Variants in CLIP4 observed in about 807,000 individuals in gnomAD.
CLIP4 encodes CAP-Gly domain-containing linker protein 4.
CLIP4 carries 47 observed loss-of-function variants against 73.1 expected under a neutral mutation model. The ratio of observed to expected loss-of-function variants is 0.64; its 90% confidence interval spans 0.51 to 0.82. The LOEUF (loss-of-function observed/expected upper bound fraction) is 0.82, where lower values mean the gene tolerates loss of function less well. Ranked by LOEUF, CLIP4 falls within the 40% of genes least tolerant of loss-of-function variation. The pLI is 0.00. For synonymous variants in CLIP4, 306 were observed against 295.4 expected, an observed-to-expected ratio of 1.04 and a Z score of -0.37; for missense variants, 874 against 852.9, an observed-to-expected ratio of 1.02 and a Z score of -0.31.
intron 1 of CLIP4, among the ~76,000 whole-genome samples, chr2:29,108,346 G>A (rs968712702): frequency 5.9e-5 from 9 of 152,278 alleles, no homozygotes; most frequent in African/African-American, 1.9e-4. Flanking sequence ...TCTGATCACC[G>A]GGCTGGCTAC....
intron 9 of CLIP4, 70 bp downstream of exon 9, chr2:29,152,898 A>C: frequency 1.3e-6 from 2 of 1,527,834 alleles, no homozygotes; most frequent in Non-Finnish European, 1.8e-6. Context: ...CCTAATATTT[A>C]GATTGCTTCA....
intron 1 of CLIP4, among the ~76,000 whole-genome samples, chr2:29,118,904 G>A (rs1664062617): frequency 6.6e-6 from 1 of 152,166 alleles, no homozygotes; most frequent in Non-Finnish European, 1.5e-5. Flanking sequence ...GATTTGGAAT[G>A]AAAGTGTGTA....
At chr2:29,107,358 G>GTTTTGTTTTTTTTTTTTTTT (rs1668239932) in intron 1 of CLIP4, among the ~76,000 whole-genome samples, 1 of 65,352 alleles carries the variant, frequency 1.5e-5, no homozygotes, top group Non-Finnish European at 3.0e-5. Context: ...GAACATGATA[G>GTTTTGTTTTTTTTTTTTTTT]TTTTTTTTTT....
intron 11 of CLIP4, among the ~76,000 whole-genome samples, chr2:29,157,594 G>C (rs1395838484): frequency 6.6e-6 from 1 of 152,064 alleles, no homozygotes; most frequent in South Asian, 2.1e-4. Flanking sequence ...TCTGAATTTA[G>C]CTTCTTCACA....
intron 12 of CLIP4, among the ~76,000 whole-genome samples, chr2:29,161,982 G>A (rs80215034): frequency 6.6e-6 from 1 of 152,146 alleles, no homozygotes; most frequent in Non-Finnish European, 1.5e-5. Flanking sequence ...TTTGAGTTAG[G>A]TGTTTTATAA....
upstream of CLIP4, among the ~76,000 whole-genome samples, chr2:29,113,041 TA>T (rs1668423036): frequency 6.6e-6 from 1 of 152,180 alleles, no homozygotes; most frequent in African/African-American, 2.4e-5. The surrounding 1 kb of genome is among the most constrained non-coding windows in gnomAD (Gnocchi z 4.0). Context: ...CTGTGTAGGT[TA>T]GCAAAGTAGT....
At chr2:29,151,424 A>T (rs1666557258) in intron 8 of CLIP4, among the ~76,000 whole-genome samples, 1 of 152,014 alleles carries the variant, frequency 6.6e-6, no homozygotes, top group African/African-American at 2.4e-5. Context: ...AGAGAGAGAG[A>T]GAGTGTGTGT....
intron 14 of CLIP4, among the ~76,000 whole-genome samples, chr2:29,173,757 A>C (rs1303576136): frequency 1.3e-5 from 2 of 152,196 alleles, no homozygotes; most frequent in African/African-American, 2.4e-5. Flanking sequence ...CTTTTTAAAA[A>C]TTTACCTCTT....
upstream of CLIP4, among the ~76,000 whole-genome samples, chr2:29,113,319 G>C (rs145258653): frequency 6.6e-6 from 1 of 152,264 alleles, no homozygotes. The surrounding 1 kb of genome is among the most constrained non-coding windows in gnomAD (Gnocchi z 4.0). Context: ...AGATAGAATT[G>C]AATCTCAGCA....
intron 1 of CLIP4, among the ~76,000 whole-genome samples, chr2:29,101,295 C>CAA (rs762423448): frequency 2.5e-5 from 3 of 120,516 alleles, no homozygotes; most frequent in Non-Finnish European, 3.5e-5. Context: ...TTCCCCCCCC[C>CAA]AAAACAAAAA....
intron 1 of CLIP4, among the ~76,000 whole-genome samples, chr2:29,103,606 T>A (rs1052847016): frequency 1.3e-5 from 2 of 152,118 alleles, no homozygotes; most frequent in Non-Finnish European, 2.9e-5. Flanking sequence ...TTTTATTTAT[T>A]TAAGGTTCCA....
intron 1 of CLIP4, 44 bp from the exon 2 acceptor site, chr2:29,121,330 A>G (rs1664233688): frequency 6.5e-7 from 1 of 1,534,782 alleles, no homozygotes; most frequent in Admixed American, 2.2e-5. Flanking sequence ...TCTAAGTTGC[A>G]TACAAATAAA....
chr2:29,159,904 A>G (rs994778598), intron 11 of CLIP4, among the ~76,000 whole-genome samples: 1 of 152,214 alleles, frequency 6.6e-6, no homozygotes, highest in Non-Finnish European at 1.5e-5. Flanking sequence ...GTCTATATCT[A>G]CTTTCATGCT....
intron 2 of CLIP4, chr2:29,130,622 C>G (rs978583718): frequency 9.1e-7 from 1 of 1,097,810 alleles, no homozygotes; most frequent in Non-Finnish European, 1.1e-6. Context: ...TTTTGCCTAA[C>G]AGGACCATTT....
At chr2:29,158,824 G>A (rs1667106232) in intron 11 of CLIP4, among the ~76,000 whole-genome samples, 2 of 152,204 alleles carry the variant, frequency 1.3e-5, no homozygotes, top group South Asian at 4.1e-4. Flanking sequence ...AGGCTGGGGT[G>A]CAGTGTTGCA....
In CLIP4 at chr2:29,152,708, A is replaced by G. The variant is rs1298445485; in HGVS notation, c.1045A>G (p.Ile349Val). 2.5e-6 allele frequency: 4 copies of G among 1,613,566 alleles called. No individual in the cohort carries two copies. Among genetic ancestry groups the G allele is most frequent in the Non-Finnish European group, 3.4e-6 (4 of 1,179,722 alleles). Reference protein sequence around the residue: ...KYGIFAPLSKISKAKGRRKNI... With the variant: ...KYGIFAPLSKVSKAKGRRKNI... ...AGGTATTTTTGCACCTCTTTCAAAG[A>G]TAAGTAAAGCAAAAGGTCGAAGGAA... is the stretch of plus-strand genomic sequence containing the variant. Residue 349 changes from isoleucine (I) to valine (V), a missense_variant, in exon 9 of 16, where the codon ATA (isoleucine) becomes GTA (valine). Physicochemically the swap from Ile to Val is conservative, Grantham distance 29 (BLOSUM62 3). Coordinates refer to ENST00000320081, the MANE Select transcript of CLIP4 (RefSeq NM_024692.6).
chr2:29,109,253 G>T (rs1276503491), intron 1 of CLIP4, among the ~76,000 whole-genome samples: 2 of 152,112 alleles, frequency 1.3e-5, no homozygotes, highest in Non-Finnish European at 2.9e-5. Flanking sequence ...AAAAATTTGG[G>T]GGGTGGCTGG....
intron 14 of CLIP4, among the ~76,000 whole-genome samples, chr2:29,173,958 T>G (rs770487889): frequency 9.9e-5 from 15 of 152,250 alleles, no homozygotes; most frequent in Non-Finnish European, 1.9e-4. Flanking sequence ...AATTCAATTT[T>G]ATTTGATTTT....
intron 15 of CLIP4, among the ~76,000 whole-genome samples, chr2:29,177,319 G>A (rs1157888846): frequency 2.0e-5 from 3 of 151,142 alleles, no homozygotes; most frequent in Admixed American, 1.3e-4. Flanking sequence ...TGAGGCAGGG[G>A]AATCACTTGA....
Sources: gnomAD v4.1 joint callset for allele counts (sites outside exome capture counted in the v4.1 genomes callset) on GRCh38, gnomAD v4.1.1 for gene constraint, Gnocchi (gnomAD v3.1) non-coding constraint, MANE v1.5 for transcripts, NCBI Gene and HGNC (gene_info 2026-07-23, HGNC 2026-07-21) for gene names.